The following ANKS1A variants were observed in gnomAD, a reference collection of about 807,000 sequenced individuals.
ANKS1A encodes the protein ankyrin repeat and SAM domain-containing protein 1A.
In ANKS1A, 55 loss-of-function variants were observed where a neutral mutation model predicts 120.3. The observed-to-expected ratio is 0.46, with a 90% CI of 0.37 to 0.57. ANKS1A has a LOEUF of 0.57. Among genes scored for constraint, ANKS1A ranks in the 20% least tolerant of loss-of-function variants. The probability of loss-of-function intolerance (pLI) is 0.00; values close to 1 mark genes in which losing one functional copy is unlikely to be tolerated. For missense variants in ANKS1A, 1,123 were observed against 1,480.3 expected, an observed-to-expected ratio of 0.76 and a Z score of 3.96; for synonymous variants, 590 against 604.7, an observed-to-expected ratio of 0.98 and a Z score of 0.36.
intron 13 of ANKS1A, among the ~76,000 whole-genome samples, chr6:35,067,913 G>T (rs1370709250): frequency 8.1e-6 from 1 of 122,756 alleles, no homozygotes; most frequent in African/African-American, 3.0e-5. Context: ...TTTTTGAGAC[G>T]GAGTTTCGCC....
At position 35,090,398 on chromosome 6, in the gene ANKS1A, C is replaced by CG. The variant is rs3830600; in HGVS notation, c.*1794dup. ...AGGCCACATCCAAGTGGGCCTCTGTCGGGGGCGGGGCGGTAGGTCCGAAAG... is the reference window on the plus strand; with the variant it reads ...AGGCCACATCCAAGTGGGCCTCTGTCGGGGGGCGGGGCGGTAGGTCCGAAAG... On this transcript the variant is annotated 3_prime_UTR_variant, in exon 24 of 24. Coordinates refer to ENST00000360359, the MANE Select transcript of ANKS1A (RefSeq NM_015245.3). The CG allele has an allele frequency of 0.026, 31,935 of 1,217,574 alleles. 1,476 individuals are homozygous for CG. Among genetic ancestry groups the CG allele is most frequent in the African/African-American group, 0.18 (11,465 of 63,514 alleles). The allele number at this position is 1,217,574 out of a possible 1,614,324, so 75.4% of individuals were successfully genotyped here.
rs556438219 is a variant in ANKS1A, at chr6:34,992,279, G to C, written c.1303-2023G>C. Among the ~76,000 whole-genome samples, 306 of 152,258 alleles carry C rather than the reference G, an allele frequency of 2.0e-3. 1 individual carries two copies. The highest frequency in any genetic ancestry group is 6.9e-3 in the African/African-American group (287 of 41,546). ...GGTGCTCTCTGGCTGTTACTGTGAT[G>C]GTTAGGATCCCTTCCAGCTCTGGCA... On this transcript the variant is annotated intron_variant, in intron 9 of 23. Transcript: ENST00000360359.
chr6:34,955,335 C>G (rs1454591076), intron 1 of ANKS1A, among the ~76,000 whole-genome samples: 1 of 152,106 alleles, frequency 6.6e-6, no homozygotes, highest in African/African-American at 2.4e-5. Flanking sequence ...TGGGGTTTCT[C>G]CATGTTGGCC....
downstream of ANKS1A, among the ~76,000 whole-genome samples, chr6:35,092,284 C>T (rs1211573156): frequency 6.6e-6 from 1 of 152,184 alleles, no homozygotes; most frequent in Non-Finnish European, 1.5e-5. Flanking sequence ...TCTGTGGACG[C>T]TTCCGTTTCT....
intron 11 of ANKS1A, among the ~76,000 whole-genome samples, chr6:35,040,966 C>A (rs1346907963): frequency 6.6e-6 from 1 of 152,216 alleles, no homozygotes; most frequent in Non-Finnish European, 1.5e-5. Context: ...AGTGTCTCCC[C>A]AGTTTTGCTG....
chr6:34,981,766 A>T lies in ANKS1A; in HGVS notation c.512A>T (p.Glu171Val). The change falls in exon 4 of 24, where the codon GAG (glutamate) becomes GTG (valine). Residue 171 changes from glutamate to valine, a missense_variant. Around this residue, in one of 3 missense-constraint regions of ANKS1A, gnomAD observed 146 missense variants for 267.8 expected, o/e 0.55. Coordinates refer to ENST00000360359, the MANE Select transcript of ANKS1A (RefSeq NM_015245.3). ...HTEVVKVLLE[E>V]LTDPTMRNNK... ...GAGGTGGTGAAGGTGCTCTTAGAGGAGCTGACGGACCCCACCATGCGCAAC... is the reference window on the plus strand; with the variant it reads ...GAGGTGGTGAAGGTGCTCTTAGAGGTGCTGACGGACCCCACCATGCGCAAC... 6.2e-7 allele frequency: 1 copy of T among 1,614,078 alleles called. No homozygotes were observed. Among genetic ancestry groups the T allele is most frequent in the Non-Finnish European group, 8.5e-7 (1 of 1,180,006 alleles).
At chr6:35,039,089 T>TGG (rs200148265) in intron 11 of ANKS1A, among the ~76,000 whole-genome samples, 341 of 41,354 alleles carry the variant, frequency 8.2e-3, no homozygotes, top group Non-Finnish European at 0.022. Flanking sequence ...TGTGTGTGTG[T>TGG]GTGGGGGGGG....
chr6:34,941,405 G>A (rs1365706926), intron 1 of ANKS1A, among the ~76,000 whole-genome samples: 3 of 151,296 alleles, frequency 2.0e-5, no homozygotes, highest in Non-Finnish European at 4.4e-5. Flanking sequence ...TTCCTCTGCT[G>A]TGTCTCTAAC....
At chr6:35,011,734 T>G (rs1460545687) in intron 10 of ANKS1A, among the ~76,000 whole-genome samples, 2 of 152,132 alleles carry the variant, frequency 1.3e-5, no homozygotes, top group Non-Finnish European at 2.9e-5. Flanking sequence ...CTTTGCAGAG[T>G]CAGGAGAAGG....
downstream of ANKS1A, among the ~76,000 whole-genome samples, chr6:35,091,645 G>A (rs888170957): frequency 2.0e-5 from 3 of 152,188 alleles, no homozygotes; most frequent in African/African-American, 4.8e-5. Context: ...TAGGAACATC[G>A]TTCTGTGAAC....
At chr6:35,093,421 T>C (rs1462439251), downstream of ANKS1A, among the ~76,000 whole-genome samples, 5 of 152,172 alleles carry the variant, frequency 3.3e-5, no homozygotes, top group African/African-American at 7.2e-5. Context: ...GAGGCTTTTT[T>C]TTAATAAGCG....
chr6:34,938,857 G>A (rs935851651), intron 1 of ANKS1A, among the ~76,000 whole-genome samples: 9 of 151,918 alleles, frequency 5.9e-5, no homozygotes, highest in African/African-American at 1.7e-4. Context: ...GCGTGGTGGC[G>A]CACGCCTGTA....
chr6:35,071,510 A>C (rs1777085121), intron 13 of ANKS1A, among the ~76,000 whole-genome samples: 1 of 152,008 alleles, frequency 6.6e-6, no homozygotes, highest in Non-Finnish European at 1.5e-5. Flanking sequence ...CACAGGGAGG[A>C]GGGTGTAATG....
intron 11 of ANKS1A, chr6:35,038,127 G>A: frequency 4.4e-6 from 2 of 453,622 alleles, no homozygotes; most frequent in South Asian, 3.1e-5. Flanking sequence ...TTGCCAGCCT[G>A]TGCCTTTCCT....
chr6:35,087,849 A>AG (rs1407709273), intron 23 of ANKS1A, among the ~76,000 whole-genome samples: 1 of 152,138 alleles, frequency 6.6e-6, no homozygotes, highest in Non-Finnish European at 1.5e-5. Flanking sequence ...CCCTCCAAGG[A>AG]GGTGGGTGGC....
intron 12 of ANKS1A, among the ~76,000 whole-genome samples, chr6:35,055,816 G>A (rs1321204281): frequency 2.6e-5 from 4 of 152,178 alleles, no homozygotes; most frequent in African/African-American, 7.2e-5. Flanking sequence ...GTCCGTTTTC[G>A]TCAGTCTTGG....
At chr6:34,925,855 A>G (rs1581701641) in intron 1 of ANKS1A, among the ~76,000 whole-genome samples, 1 of 152,158 alleles carries the variant, frequency 6.6e-6, no homozygotes. Flanking sequence ...TGCTACTGGC[A>G]TCTAGTGAAT....
intron 10 of ANKS1A, among the ~76,000 whole-genome samples, chr6:35,003,174 C>T (rs1193778060): frequency 2.0e-5 from 3 of 152,026 alleles, no homozygotes; most frequent in Non-Finnish European, 4.4e-5. Flanking sequence ...TAATGAATCG[C>T]CCCCTAAGCG....
chr6:35,013,244 AT>A (rs1174735366), intron 10 of ANKS1A, among the ~76,000 whole-genome samples: 1 of 152,176 alleles, frequency 6.6e-6, no homozygotes, highest in Non-Finnish European at 1.5e-5. Context: ...CATATGATTT[AT>A]GCCTGTCTTA....
Sources: gnomAD v4.1 joint callset for allele counts (sites outside exome capture counted in the v4.1 genomes callset) on GRCh38, gnomAD v4.1.1 for gene constraint, gnomAD v4.1.1 regional missense constraint, MANE v1.5 for transcripts, NCBI Gene and HGNC (gene_info 2026-07-23, HGNC 2026-07-21) for gene names.